POC1B: variants seen among roughly 807,000 people sequenced by gnomAD.
POC1B encodes POC1 centriolar protein B, also known as POC1 centriolar protein homolog B.
POC1B carries 44 observed loss-of-function variants against 60.6 expected under a neutral mutation model. That is an observed-to-expected ratio of 0.73 (90% confidence interval 0.57 to 0.93). POC1B has a LOEUF of 0.93. POC1B is among the 40% of genes least tolerant of loss of function. The probability of loss-of-function intolerance (pLI) is 0.00; values close to 1 mark genes in which losing one functional copy is unlikely to be tolerated. For missense variants in POC1B, 555 were observed against 572.3 expected (o/e 0.97, Z 0.31); for synonymous variants, 180 against 198.9 (o/e 0.90, Z 0.80).
At chr12:89,438,583 G>C (rs774002257) in intron 10 of POC1B, among the ~76,000 whole-genome samples, 1 of 152,214 alleles carries the variant, frequency 6.6e-6, no homozygotes, top group Admixed American at 6.5e-5. Context: ...TCGTCCTCTT[G>C]AAACTATCCT....
At position 89,513,347 on chromosome 12, in the gene POC1B, A is replaced by G. The variant is rs76712460; in HGVS notation, c.100+11773T>C. Reference sequence around the variant, plus strand: ...TTCAAATTTCAGTCTGCTTCTATTCAGTCAAAAAAGGAAAGATTAACTTGT... The same window carrying G: ...TTCAAATTTCAGTCTGCTTCTATTCGGTCAAAAAAGGAAAGATTAACTTGT... On this transcript the variant is annotated intron_variant, in intron 2 of 11. Transcript: ENST00000313546. Among the ~76,000 whole-genome samples the G allele has an allele frequency of 6.7e-3, 1,023 of 152,010 alleles. 11 individuals are homozygous for G. Among genetic ancestry groups the G allele is most frequent in the African/African-American group, 0.024 (988 of 41,460 alleles).
intron 7 of POC1B, among the ~76,000 whole-genome samples, chr12:89,469,367 T>C (rs575706099): frequency 1.3e-5 from 2 of 152,256 alleles, no homozygotes; most frequent in East Asian, 1.9e-4. Context: ...TCTAAACCAA[T>C]TGAGAAATAA....
chr12:89,461,254 G>T (rs1283441638), intron 9 of POC1B: 1 of 152,174 alleles, frequency 6.6e-6, no homozygotes, highest in Non-Finnish European at 1.5e-5. Flanking sequence ...TAGACAGTGA[G>T]AAAGACTTCC....
At chr12:89,495,905 G>A (rs2135741772) in intron 3 of POC1B, among the ~76,000 whole-genome samples, 1 of 152,132 alleles carries the variant, frequency 6.6e-6, no homozygotes, top group East Asian at 1.9e-4. Flanking sequence ...GGGATTACAG[G>A]TGCGTGACAC....
intron 2 of POC1B, chr12:89,522,712 G>A (rs1870987133): frequency 8.3e-6 from 12 of 1,451,324 alleles, no homozygotes; most frequent in Admixed American, 2.5e-5. Flanking sequence ...TGACTGCTAG[G>A]TGGCTTTTGA....
In POC1B at chr12:89,459,676, G is replaced by T; in HGVS notation, c.1075C>A (p.Pro359Thr). The change falls in exon 10 of 12, where the codon CCC becomes ACC. Residue 359 changes from proline (P) to threonine (T), a missense_variant. Coordinates refer to ENST00000313546, the MANE Select transcript of POC1B (RefSeq NM_172240.3). ...AAAGAAAGGATATCCATAACAGGGG[G>T]AGTAGAGATCTGCAAATCGATTACC... Reference protein sequence around the residue: ...LEVIDLQISTPPVMDILSFDS... With the variant: ...LEVIDLQISTTPVMDILSFDS... 2 of 1,540,102 alleles carry T rather than the reference G, an allele frequency of 1.3e-6. No individual in the cohort carries two copies. Among genetic ancestry groups the T allele is most frequent in the South Asian group, 1.3e-5 (1 of 77,280 alleles).
At chr12:89,484,015 G>A (rs1303022694) in intron 4 of POC1B, among the ~76,000 whole-genome samples, 1 of 152,180 alleles carries the variant, frequency 6.6e-6, no homozygotes, top group African/African-American at 2.4e-5. Context: ...AGTAAATGGA[G>A]ATATAGTTCT....
chr12:89,471,515 G>T, intron 6 of POC1B, 99 bp downstream of exon 6: 1 of 904,086 alleles, frequency 1.1e-6, no homozygotes, highest in Non-Finnish European at 1.8e-6. Context: ...GGCAGCCCAT[G>T]ACCCCAAGTA....
chr12:89,425,111 T>C (rs766238552), intron 11 of POC1B, 50 bp downstream of exon 11: 2 of 1,570,004 alleles, frequency 1.3e-6, no homozygotes, highest in Admixed American at 1.7e-5. Flanking sequence ...CAGAATTGTT[T>C]TGTGTATTTT....
At chr12:89,416,807 C>A (rs1231449526), downstream of POC1B, among the ~76,000 whole-genome samples, 1 of 152,140 alleles carries the variant, frequency 6.6e-6, no homozygotes, top group East Asian at 1.9e-4. Flanking sequence ...AAACTATGAG[C>A]CAAGCAAAAC....
intron 11 of POC1B, 35 bp downstream of exon 11, chr12:89,425,126 C>A: frequency 2.5e-6 from 4 of 1,601,722 alleles, no homozygotes; most frequent in Non-Finnish European, 3.4e-6. Flanking sequence ...TATTTTACCC[C>A]CAAGTGCAAC....
At chr12:89,513,711 T>C (rs533373116) in intron 2 of POC1B, among the ~76,000 whole-genome samples, 230 of 152,296 alleles carry the variant, frequency 1.5e-3, no homozygotes, top group Non-Finnish European at 2.7e-3. Context: ...CCATGGCCTA[T>C]TAGGAACTGG....
intron 3 of POC1B, among the ~76,000 whole-genome samples, chr12:89,496,839 T>G (rs1456978888): frequency 6.6e-6 from 1 of 152,150 alleles, no homozygotes. Context: ...ATAAACTGAA[T>G]TTTTGGTTAT....
At chr12:89,524,667 C>T (rs1314278219) in intron 2 of POC1B, 22 of 1,078,416 alleles carry the variant, frequency 2.0e-5, no homozygotes, top group Non-Finnish European at 2.3e-5. Context: ...TTCATGCAGG[C>T]GCTAGGCTCC....
chr12:89,525,923 G>T lies in POC1B; in HGVS notation c.-28C>A. ...GGGGAGTGGTCGGCCCAAGGCTCCT[G>T]TGGGTGGGGGAACCCGGAGAGGGGA... On this transcript the variant is annotated 5_prime_UTR_variant, in exon 1 of 12. Transcript: ENST00000313546. 6.6e-7 allele frequency: 1 copy of T among 1,525,348 alleles called. No homozygotes were observed. Among genetic ancestry groups the T allele is most frequent in the Non-Finnish European group, 8.8e-7 (1 of 1,132,816 alleles). 94.5% of individuals were successfully genotyped at this position (1,525,348 alleles called of 1,614,324 possible). A position where few individuals can be genotyped will look rare whatever the true frequency, so the allele number is the denominator to read the frequency against.
intron 10 of POC1B, among the ~76,000 whole-genome samples, chr12:89,436,187 G>C (rs975532779): frequency 1.3e-5 from 2 of 151,918 alleles, no homozygotes; most frequent in Non-Finnish European, 2.9e-5. Context: ...TCTTGACCTT[G>C]TGATCCACCC....
chr12:89,496,860 G>A lies in POC1B; in HGVS notation c.272+311C>T, dbSNP rs565138629. 7.2e-5 allele frequency among the ~76,000 whole-genome samples: 11 copies of A among 152,278 alleles called. No homozygotes were observed. In the East Asian group the frequency reaches 7.7e-4, roughly 11 times the overall value. ...TGAATTTTTGGTTATACATACTGAT[G>A]TGTATCATTCTGGGGAGACAGTCTA... On this transcript the variant is annotated intron_variant, in intron 3 of 11. Coordinates refer to ENST00000313546, the MANE Select transcript of POC1B (RefSeq NM_172240.3).
intron 10 of POC1B, chr12:89,426,147 A>G (rs1004773199): frequency 2.0e-5 from 3 of 152,362 alleles, no homozygotes; most frequent in African/African-American, 7.2e-5. Flanking sequence ...AAGGACAAAG[A>G]CTATGTGACT....
chr12:89,516,948 T>C (rs976605637), intron 2 of POC1B, among the ~76,000 whole-genome samples: 3 of 152,194 alleles, frequency 2.0e-5, no homozygotes, highest in African/African-American at 7.2e-5. Flanking sequence ...GATGATCTCA[T>C]AATCATTAAG....
Sources: allele counts gnomAD v4.1 joint callset (sites outside exome capture counted in the v4.1 genomes callset), GRCh38; gene constraint gnomAD v4.1.1; transcripts MANE v1.5; gene names NCBI Gene and HGNC (gene_info 2026-07-23, HGNC 2026-07-21).